TRAK1: variants seen among roughly 807,000 people sequenced by gnomAD.
TRAK1 encodes trafficking kinesin protein 1, also known as trafficking kinesin-binding protein 1.
Under a neutral mutation model 92.1 loss-of-function variants are expected in TRAK1, and 33 were observed. That is an observed-to-expected ratio of 0.36 (90% CI 0.27 to 0.48). The LOEUF is 0.48. Ranked by LOEUF, TRAK1 falls within the 20% of genes least tolerant of loss-of-function variation. The pLI, the probability that TRAK1 is intolerant of heterozygous loss-of-function variation, is 0.99. For synonymous variants in TRAK1, 521 were observed against 517.3 expected, an observed-to-expected ratio of 1.01 and a Z score of -0.10; for missense variants, 1,123 against 1,257.9, an observed-to-expected ratio of 0.89 and a Z score of 1.62.
chr3:42,138,899 G>GTGTGTGTGTT (rs1698315263), intron 2 of TRAK1, among the ~76,000 whole-genome samples: 1 of 150,056 alleles, frequency 6.7e-6, no homozygotes, highest in South Asian at 2.1e-4. Flanking sequence ...GTGTGTGTGT[G>GTGTGTGTGTT]TGTGTGTGTG....
chr3:42,066,535 C>T (rs1483775609), intron 1 of TRAK1, among the ~76,000 whole-genome samples: 2 of 150,842 alleles, frequency 1.3e-5, no homozygotes, highest in Non-Finnish European at 3.0e-5. Flanking sequence ...TGGGACCTTC[C>T]GCCGTTGGTG....
intron 1 of TRAK1, among the ~76,000 whole-genome samples, chr3:42,061,125 T>G (rs1703421111): frequency 6.6e-6 from 1 of 152,158 alleles, no homozygotes; most frequent in Non-Finnish European, 1.5e-5. Context: ...TATGGTATAA[T>G]TTTAGATTTA....
At chr3:42,105,094 G>A (rs1000665198) in intron 1 of TRAK1, among the ~76,000 whole-genome samples, 1 of 152,002 alleles carries the variant, frequency 6.6e-6, no homozygotes, top group Non-Finnish European at 1.5e-5. Flanking sequence ...TGGGATTACA[G>A]GCATGTGCCA....
intron 12 of TRAK1, among the ~76,000 whole-genome samples, chr3:42,201,328 C>T (rs9846570): frequency 0.052 from 7,873 of 152,184 alleles, 684 homozygotes; most frequent in African/African-American, 0.18. Context: ...GGCATGGTGG[C>T]ATGCACCTGT....
chr3:42,037,469 G>C (rs1702368381), intron 1 of TRAK1, among the ~76,000 whole-genome samples: 2 of 152,262 alleles, frequency 1.3e-5, no homozygotes, highest in Non-Finnish European at 2.9e-5. Flanking sequence ...ATGGCAGGCA[G>C]GGTACTGGGG....
At chr3:42,168,376 G>A (rs1258942805) in intron 2 of TRAK1, among the ~76,000 whole-genome samples, 1 of 152,100 alleles carries the variant, frequency 6.6e-6, no homozygotes, top group Admixed American at 6.5e-5. Flanking sequence ...GCATGGTTCG[G>A]GGATGCTTGC....
chr3:42,200,916 A>G lies in TRAK1; in HGVS notation c.1289A>G (p.Gln430Arg), dbSNP rs1707432602. The G allele has an allele frequency of 1.2e-6, 2 of 1,614,078 alleles. No individual in the cohort carries two copies. Among genetic ancestry groups the G allele is most frequent in the South Asian group, 2.2e-5 (2 of 91,086 alleles). ...CCCATGAACATCCCCGGCTCCAACC[A>G]GTCCTCGGCCATGAACTCCCTCCTG... ...PSPMNIPGSN[Q>R]SSAMNSLLSS... Residue 430 changes from glutamine (Q) to arginine (R), a missense_variant, in exon 12 of 16, where the codon CAG becomes CGG. Gln to Arg is a conservative substitution (Grantham distance 43). Around this residue, in one of 3 missense-constraint regions of TRAK1, gnomAD observed 686 missense variants for 747.6 expected, o/e 0.92. Transcript: ENST00000327628.
chr3:42,023,838 C>G (rs965576856), intron 1 of TRAK1, among the ~76,000 whole-genome samples: 1 of 147,624 alleles, frequency 6.8e-6, no homozygotes, highest in African/African-American at 2.5e-5. Context: ...ACTGCAGCCT[C>G]CGTCTCCCGG....
intron 14 of TRAK1, chr3:42,217,163 T>C (rs559728730): frequency 7.4e-6 from 6 of 806,808 alleles, no homozygotes; most frequent in Admixed American, 6.3e-5. Flanking sequence ...AATCAGCCCG[T>C]TGCTTCTCTG....
chr3:42,205,928 C>G (rs889292127), intron 13 of TRAK1, among the ~76,000 whole-genome samples: 1 of 152,228 alleles, frequency 6.6e-6, no homozygotes, highest in African/African-American at 2.4e-5. Context: ...GAAGTTTCCT[C>G]TCTTTCCTTG....
chr3:42,093,420 T>C (rs1689067559), intron 1 of TRAK1, among the ~76,000 whole-genome samples: 1 of 152,128 alleles, frequency 6.6e-6, no homozygotes, highest in Admixed American at 6.5e-5. Flanking sequence ...AGTTCCCTTA[T>C]GACTAGGTGA....
intron 2 of TRAK1, among the ~76,000 whole-genome samples, chr3:42,168,208 G>GT (rs1165490210): frequency 5.3e-5 from 8 of 152,248 alleles, no homozygotes; most frequent in African/African-American, 1.9e-4. Flanking sequence ...TTTATGTGCT[G>GT]TTTATCAGTG....
chr3:42,144,052 A>G (rs1279084104), intron 2 of TRAK1, among the ~76,000 whole-genome samples: 2 of 152,176 alleles, frequency 1.3e-5, no homozygotes, highest in Non-Finnish European at 1.5e-5. Flanking sequence ...ACTTAATTCA[A>G]GCTGTGCTCA....
At chr3:42,055,927 T>A (rs1453749228) in intron 1 of TRAK1, among the ~76,000 whole-genome samples, 1 of 152,238 alleles carries the variant, frequency 6.6e-6, no homozygotes, top group African/African-American at 2.4e-5. Context: ...CATGGAATCA[T>A]ACAATATGTA....
chr3:42,141,204 T>G (rs1027850671), intron 2 of TRAK1, among the ~76,000 whole-genome samples: 3 of 152,226 alleles, frequency 2.0e-5, no homozygotes, highest in Admixed American at 2.0e-4. Context: ...ACTTAGAAAT[T>G]TTATTAAATT....
intron 2 of TRAK1, among the ~76,000 whole-genome samples, chr3:42,167,233 G>T (rs911782727): frequency 4.6e-5 from 7 of 152,206 alleles, no homozygotes; most frequent in Non-Finnish European, 8.8e-5. Flanking sequence ...CCTCTCTGGG[G>T]TGTCGATTAG....
At chr3:42,015,987 A>G (rs1324834911) in intron 1 of TRAK1, among the ~76,000 whole-genome samples, 1 of 152,160 alleles carries the variant, frequency 6.6e-6, no homozygotes, top group East Asian at 1.9e-4. Flanking sequence ...CATTGAGCCA[A>G]GATCCCGCCA....
At chr3:42,018,388 T>C (rs2148877248) in intron 1 of TRAK1, among the ~76,000 whole-genome samples, 1 of 152,226 alleles carries the variant, frequency 6.6e-6, no homozygotes, top group African/African-American at 2.4e-5. Flanking sequence ...TTGGGAATCG[T>C]GGAGCTGGAT....
At chr3:42,016,553 C>T (rs73075241) in intron 1 of TRAK1, among the ~76,000 whole-genome samples, 15,924 of 152,228 alleles carry the variant, frequency 0.1, 1,028 homozygotes, top group Middle Eastern at 0.26. Context: ...ATATAGTAGG[C>T]CTCTGTAATT....
Sources: gnomAD v4.1 joint callset for allele counts (sites outside exome capture counted in the v4.1 genomes callset) on GRCh38, gnomAD v4.1.1 for gene constraint, gnomAD v4.1.1 regional missense constraint, MANE v1.5 for transcripts, NCBI Gene and HGNC (gene_info 2026-07-23, HGNC 2026-07-21) for gene names.